The following NUP107 variants were observed in gnomAD, a reference collection of about 807,000 sequenced individuals.
NUP107 encodes the protein nucleoporin 107.
A neutral mutation model predicts 141.0 loss-of-function variants in NUP107; 101 were observed. The ratio of observed to expected loss-of-function variants is 0.72; its 90% CI spans 0.61 to 0.84. NUP107 has a LOEUF of 0.84. Among genes scored for constraint, NUP107 ranks in the 40% least tolerant of loss-of-function variants. The probability of loss-of-function intolerance (pLI) is 0.00; values close to 1 mark genes in which losing one functional copy is unlikely to be tolerated. For missense variants in NUP107, 941 were observed against 1,102.7 expected, an observed-to-expected ratio of 0.85 and a Z score of 2.08; for synonymous variants, 319 against 363.9, an observed-to-expected ratio of 0.88 and a Z score of 1.41.
chr12:68,721,206 T>C, intron 15 of NUP107, 29 bp downstream of exon 15: 1 of 1,462,892 alleles, frequency 6.8e-7, no homozygotes, highest in South Asian at 1.2e-5. Context: ...TGTTTAAATT[T>C]TTTCTGTGGA....
intron 26 of NUP107, among the ~76,000 whole-genome samples, chr12:68,735,929 G>A (rs1878047320): frequency 6.6e-6 from 1 of 152,202 alleles, no homozygotes; most frequent in Admixed American, 6.5e-5. Flanking sequence ...AGAAAAGATT[G>A]TTTTCACCTG....
intron 26 of NUP107, among the ~76,000 whole-genome samples, chr12:68,738,013 C>T (rs532264447): frequency 5.3e-5 from 8 of 152,180 alleles, no homozygotes; most frequent in Admixed American, 1.3e-4. Flanking sequence ...CACGGTGGCT[C>T]ACGCCTGAAT....
In NUP107 at chr12:68,727,509, T is replaced by C. The variant is rs1454280199; in HGVS notation, c.1734+120T>C. On this transcript the variant is annotated intron_variant, in intron 20 of 27. Transcript: ENST00000229179. ...GCATCAGAATCCATAAGAGATCTTT[T>C]AATTATCAGCACAGTTGACCTTTGA... The C allele has an allele frequency of 8.6e-6, 5 of 582,760 alleles. No homozygotes were observed. In the Admixed American group the frequency reaches 1.1e-4, roughly 13 times the overall value. The allele number at this position is 582,760 out of a possible 1,614,324, so 36.1% of individuals were successfully genotyped here.
chr12:68,706,963 G>A (rs1033672752), intron 8 of NUP107: 8 of 653,950 alleles, frequency 1.2e-5, no homozygotes, highest in Non-Finnish European at 2.2e-5. Context: ...GCTCTGGTGC[G>A]GGCTCCAGTT....
chr12:68,707,955 G>T (rs1224796041), intron 8 of NUP107, among the ~76,000 whole-genome samples: 2 of 152,030 alleles, frequency 1.3e-5, no homozygotes, highest in African/African-American at 2.4e-5. Context: ...AATTACCCAG[G>T]TGTGGTGGCA....
At chr12:68,726,681 A>G (rs954917281) in intron 19 of NUP107, 64 bp downstream of exon 19, 2 of 985,268 alleles carry the variant, frequency 2.0e-6, no homozygotes, top group African/African-American at 1.6e-5. Flanking sequence ...ATTGTCAAGA[A>G]AACACTACTT....
intron 26 of NUP107, among the ~76,000 whole-genome samples, chr12:68,738,233 G>A (rs1041148786): frequency 2.6e-4 from 40 of 152,010 alleles, no homozygotes; most frequent in South Asian, 2.1e-4. Flanking sequence ...CCGAGATTGC[G>A]CCACTGCACT....
intron 8 of NUP107, chr12:68,706,139 C>T: frequency 1.3e-6 from 1 of 766,362 alleles, no homozygotes; most frequent in East Asian, 2.4e-5. Flanking sequence ...TGATAACATG[C>T]AGGGGCTGGT....
At chr12:68,706,994 A>C (rs1876614355) in intron 8 of NUP107, 2 of 630,442 alleles carry the variant, frequency 3.2e-6, no homozygotes, top group Non-Finnish European at 5.6e-6. Flanking sequence ...CACCAGCTCC[A>C]CCAGGGCTGT....
chr12:68,714,724 C>T (rs189803721), intron 11 of NUP107, among the ~76,000 whole-genome samples: 1 of 152,234 alleles, frequency 6.6e-6, no homozygotes, highest in East Asian at 1.9e-4. Context: ...AATATATTAT[C>T]CTAAATGCTT....
chr12:68,714,082 C>A, intron 11 of NUP107: 1 of 350,004 alleles, frequency 2.9e-6, no homozygotes, highest in Non-Finnish European at 5.1e-6. Flanking sequence ...GATTTGACTG[C>A]CTATATAAGG....
At chr12:68,695,549 G>T (rs908214565) in intron 5 of NUP107, among the ~76,000 whole-genome samples, 1 of 152,176 alleles carries the variant, frequency 6.6e-6, no homozygotes, top group African/African-American at 2.4e-5. Flanking sequence ...CCACTTACAT[G>T]AGATATTTAG....
intron 12 of NUP107, among the ~76,000 whole-genome samples, chr12:68,717,936 A>G (rs1007346803): frequency 6.6e-6 from 1 of 152,216 alleles, no homozygotes; most frequent in Non-Finnish European, 1.5e-5. Context: ...AGTTGTATCA[A>G]TCAGGCTTTC....
chr12:68,706,119 A>T, intron 8 of NUP107: 1 of 767,800 alleles, frequency 1.3e-6, no homozygotes, highest in Non-Finnish European at 2.4e-6. Context: ...CTGAAGCTGG[A>T]GGTGGAACTT....
chr12:68,694,911 A>G (rs1875979606), intron 5 of NUP107, among the ~76,000 whole-genome samples: 1 of 152,212 alleles, frequency 6.6e-6, no homozygotes, highest in Admixed American at 6.5e-5. Context: ...TCAAAAAAGA[A>G]AGAGAGAAAG....
intron 3 of NUP107, 83 bp downstream of exon 3, chr12:68,689,702 G>C: frequency 1.1e-6 from 1 of 883,598 alleles, no homozygotes; most frequent in Non-Finnish European, 1.8e-6. Flanking sequence ...AATTAGTATA[G>C]TATTTGGTTA....
chr12:68,737,560 CAAAAAAAAA>C (rs757208798), intron 26 of NUP107, among the ~76,000 whole-genome samples: 2 of 72,070 alleles, frequency 2.8e-5, no homozygotes, highest in Non-Finnish European at 2.7e-5. Context: ...GACCCTGTCT[CAAAAAAAAA>C]AAAAAAAAAA....
At chr12:68,723,948 A>C (rs1877455249) in intron 17 of NUP107, among the ~76,000 whole-genome samples, 1 of 152,194 alleles carries the variant, frequency 6.6e-6, no homozygotes, top group Non-Finnish European at 1.5e-5. Flanking sequence ...TCAAGAGTTT[A>C]TTACCAGTCT....
rs781330635 is a variant in NUP107 at position 68,742,484 on chromosome 12, A to T, written c.*22A>T. 2 of 1,249,168 alleles carry T rather than the reference A, an allele frequency of 1.6e-6. No individual in the cohort carries two copies. The highest frequency in any genetic ancestry group is 2.3e-6 in the Non-Finnish European group (2 of 888,874). 77.4% of individuals were successfully genotyped at this position (1,249,168 alleles called of 1,614,324 possible). The stretch of plus-strand genomic sequence containing the variant: ...ATAGTTTAATCTTTGTAATCTCACT[A>T]ATTTTCATGATAAATGAAGTTTTTA... On this transcript the variant is annotated 3_prime_UTR_variant, in exon 28 of 28. Coordinates refer to ENST00000229179, the MANE Select transcript of NUP107 (RefSeq NM_020401.4).
Sources: allele counts gnomAD v4.1 joint callset (sites outside exome capture counted in the v4.1 genomes callset), GRCh38; gene constraint gnomAD v4.1.1; transcripts MANE v1.5; gene names NCBI Gene and HGNC (gene_info 2026-07-23, HGNC 2026-07-21).